The following IMMP1L variants were observed in gnomAD, a reference collection of about 807,000 sequenced individuals.
IMMP1L encodes inner mitochondrial membrane peptidase subunit 1, also known as mitochondrial inner membrane protease subunit 1.
IMMP1L carries 24 observed loss-of-function variants against 21.8 expected under a neutral mutation model. The observed-to-expected ratio is 1.10, with a 90% confidence interval of 0.80 to 1.55. The LOEUF (loss-of-function observed/expected upper bound fraction) is 1.55, where lower values mean the gene tolerates loss of function less well. Ranked by LOEUF, IMMP1L falls within the 40% of genes most tolerant of loss-of-function variation. IMMP1L has a pLI of 0.00. For synonymous variants in IMMP1L, 46 were observed against 62.8 expected (o/e 0.73, Z 1.26); for missense variants, 195 against 200.7 (o/e 0.97, Z 0.17).
intron 1 of IMMP1L, among the ~76,000 whole-genome samples, chr11:31,502,549 G>A (rs1212189409): frequency 6.6e-6 from 1 of 152,144 alleles, no homozygotes; most frequent in Non-Finnish European, 1.5e-5. Flanking sequence ...CAGTAGATGT[G>A]ATTTTTTCAT....
At chr11:31,457,851 G>A (rs1207353964) in intron 3 of IMMP1L, among the ~76,000 whole-genome samples, 1 of 152,164 alleles carries the variant, frequency 6.6e-6, no homozygotes, top group African/African-American at 2.4e-5. Flanking sequence ...CTTGGTAAGA[G>A]TTGAAAGGTA....
At chr11:31,462,609 C>T (rs1954190520) in intron 2 of IMMP1L, among the ~76,000 whole-genome samples, 1 of 152,074 alleles carries the variant, frequency 6.6e-6, no homozygotes, top group South Asian at 2.1e-4. Flanking sequence ...AGACATTAGG[C>T]AGAATAATCT....
intron 1 of IMMP1L, among the ~76,000 whole-genome samples, chr11:31,475,126 A>G (rs1954683384): frequency 6.6e-6 from 1 of 152,240 alleles, no homozygotes; most frequent in Non-Finnish European, 1.5e-5. Context: ...TATAATGCTA[A>G]TACTTCAATG....
chr11:31,462,459 TTGAC>T (rs765459869), intron 2 of IMMP1L, among the ~76,000 whole-genome samples: 9 of 151,576 alleles, frequency 5.9e-5, no homozygotes, highest in East Asian at 1.9e-4. Context: ...ATAAAAAAAA[TTGAC>T]TGGCTGGTCA....
chr11:31,471,104 A>G (rs1230712635), intron 1 of IMMP1L, among the ~76,000 whole-genome samples: 3 of 152,230 alleles, frequency 2.0e-5, no homozygotes, highest in Non-Finnish European at 2.9e-5. Context: ...TCAAAGAGCT[A>G]TAAGACTTTT....
chr11:31,498,496 G>A (rs2133817132), intron 1 of IMMP1L, among the ~76,000 whole-genome samples: 1 of 152,176 alleles, frequency 6.6e-6, no homozygotes, highest in Non-Finnish European at 1.5e-5. Context: ...CTATATTCCA[G>A]TTACTACCTC....
At chr11:31,501,922 G>T (rs910152108) in intron 1 of IMMP1L, among the ~76,000 whole-genome samples, 3 of 151,800 alleles carry the variant, frequency 2.0e-5, no homozygotes, top group Non-Finnish European at 4.4e-5. Flanking sequence ...AGGTTACAGT[G>T]AGCCAAGATC....
intron 4 of IMMP1L, among the ~76,000 whole-genome samples, chr11:31,442,289 C>A (rs1953360185): frequency 6.6e-6 from 1 of 152,138 alleles, no homozygotes; most frequent in Non-Finnish European, 1.5e-5. Context: ...CTTTTTAGCA[C>A]AAACAACAAA....
chr11:31,468,212 A>G (rs1954427510), intron 1 of IMMP1L, among the ~76,000 whole-genome samples: 1 of 152,142 alleles, frequency 6.6e-6, no homozygotes, highest in South Asian at 2.1e-4. Context: ...TGTACATAAA[A>G]ATATATCACT....
intron 1 of IMMP1L, among the ~76,000 whole-genome samples, chr11:31,501,060 T>C (rs1955603487): frequency 6.6e-6 from 1 of 152,202 alleles, no homozygotes; most frequent in Non-Finnish European, 1.5e-5. Context: ...GTCATATCAG[T>C]CACATTTTAA....
chr11:31,482,016 G>A (rs1021763190), intron 1 of IMMP1L, among the ~76,000 whole-genome samples: 2 of 151,922 alleles, frequency 1.3e-5, no homozygotes, highest in Non-Finnish European at 2.9e-5. Flanking sequence ...TACTCTAGTA[G>A]ACTCTCCTTA....
intron 1 of IMMP1L, among the ~76,000 whole-genome samples, chr11:31,500,075 G>C (rs1251047721): frequency 1.3e-5 from 2 of 152,116 alleles, no homozygotes; most frequent in Non-Finnish European, 2.9e-5. Context: ...AGAACGACTG[G>C]TCTGTGTACT....
intron 1 of IMMP1L, among the ~76,000 whole-genome samples, chr11:31,498,619 A>T (rs989843118): frequency 1.3e-5 from 2 of 152,198 alleles, no homozygotes; most frequent in Non-Finnish European, 2.9e-5. Flanking sequence ...CTGGCTACAT[A>T]AAAAGCTACC....
chr11:31,464,224 GA>G (rs541246256), intron 1 of IMMP1L, among the ~76,000 whole-genome samples: 3 of 148,540 alleles, frequency 2.0e-5, no homozygotes, highest in Non-Finnish European at 3.0e-5. Flanking sequence ...TTATAGACAA[GA>G]AAAAAAAAGC....
Position 31,455,268 on chromosome 11 carries a change from GATA to G in IMMP1L, c.321+989_321+991del, listed in dbSNP as rs774250666. ...TGTTTACATTGAGGATGAATATAGAGATAATGTTAGTTAACAAACAGCTGCATT... is the reference window on the plus strand; with the variant it reads ...TGTTTACATTGAGGATGAATATAGAGATGTTAGTTAACAAACAGCTGCATT... On this transcript the variant is annotated intron_variant, in intron 4 of 5. Coordinates refer to ENST00000532287, the MANE Select transcript of IMMP1L (RefSeq NM_001304274.2). Among the ~76,000 whole-genome samples the G allele has an allele frequency of 1.7e-4, 26 of 152,268 alleles. No homozygotes were observed. In the East Asian group the frequency reaches 2.9e-3, roughly 17 times the overall value.
At chr11:31,477,102 G>T (rs567804997) in intron 1 of IMMP1L, 3 of 151,986 alleles carry the variant, frequency 2.0e-5, no homozygotes, top group Admixed American at 2.0e-4. Flanking sequence ...AAAAATATAG[G>T]TGTCTATATA....
At chr11:31,507,311 C>T (rs969275241) in intron 1 of IMMP1L, among the ~76,000 whole-genome samples, 3 of 151,960 alleles carry the variant, frequency 2.0e-5, no homozygotes, top group Non-Finnish European at 4.4e-5. Flanking sequence ...ATTTATCCTA[C>T]GATAGTGTTA....
chr11:31,505,439 G>A (rs1189686641), intron 1 of IMMP1L, among the ~76,000 whole-genome samples: 2 of 152,174 alleles, frequency 1.3e-5, no homozygotes, highest in Non-Finnish European at 2.9e-5. Context: ...GAAAGAAGTA[G>A]AAGAAGCAGT....
intron 4 of IMMP1L, among the ~76,000 whole-genome samples, chr11:31,449,578 A>T (rs1028541841): frequency 6.6e-6 from 1 of 152,212 alleles, no homozygotes; most frequent in South Asian, 2.1e-4. Flanking sequence ...GATAACACTT[A>T]ATCAGTCCTT....
Sources: gnomAD v4.1 joint callset for allele counts (sites outside exome capture counted in the v4.1 genomes callset) on GRCh38, gnomAD v4.1.1 for gene constraint, MANE v1.5 for transcripts, NCBI Gene and HGNC (gene_info 2026-07-23, HGNC 2026-07-21) for gene names.